KCNMA1: variants seen among roughly 807,000 people sequenced by gnomAD.
KCNMA1 encodes the protein potassium calcium-activated channel subfamily M alpha 1, also known as Calcium-activated potassium channel subunit alpha-1.
KCNMA1 carries 29 observed loss-of-function variants against 140.0 expected under a neutral mutation model. The ratio of observed to expected loss-of-function variants is 0.21; its 90% confidence interval spans 0.15 to 0.28. The LOEUF (loss-of-function observed/expected upper bound fraction) is 0.28, where lower values mean the gene tolerates loss of function less well. Ranked by LOEUF, KCNMA1 falls within the 10% of genes least tolerant of loss-of-function variation. The pLI is 1.00. For synonymous variants in KCNMA1, 612 were observed against 611.9 expected (o/e 1.00, Z 0.00); for missense variants, 880 against 1,602.2 (o/e 0.55, Z 7.70).
intron 2 of KCNMA1, among the ~76,000 whole-genome samples, chr10:77,359,886 G>A (rs1214533572): frequency 6.6e-6 from 1 of 152,220 alleles, no homozygotes; most frequent in Non-Finnish European, 1.5e-5. Context: ...GCACACAGTA[G>A]GTGCCCAGTG....
chr10:77,410,913 G>A (rs994050832), intron 1 of KCNMA1, among the ~76,000 whole-genome samples: 3 of 152,224 alleles, frequency 2.0e-5, no homozygotes, highest in Admixed American at 6.5e-5. Flanking sequence ...TGTCTTCTCC[G>A]GAGTGTGTCT....
At chr10:77,476,987 T>G (rs1176936459) in intron 1 of KCNMA1, among the ~76,000 whole-genome samples, 1 of 151,984 alleles carries the variant, frequency 6.6e-6, no homozygotes, top group African/African-American at 2.4e-5. Context: ...ACTTGACAGG[T>G]GAAAACATTT....
At chr10:76,988,611 C>T (rs2081929643) in intron 19 of KCNMA1, among the ~76,000 whole-genome samples, 2 of 152,110 alleles carry the variant, frequency 1.3e-5, no homozygotes, top group African/African-American at 4.8e-5. Context: ...TTTGAAAGGA[C>T]AGGAATGTCT....
chr10:77,252,733 T>C (rs1335429759), intron 2 of KCNMA1, among the ~76,000 whole-genome samples: 1 of 152,146 alleles, frequency 6.6e-6, no homozygotes, highest in African/African-American at 2.4e-5. Context: ...TGGGGCAGAA[T>C]GGTGGCTTGC....
intron 1 of KCNMA1, among the ~76,000 whole-genome samples, chr10:77,522,178 A>AAAATGAATAAATAAATAAAT (rs2053629516): frequency 7.0e-6 from 1 of 142,798 alleles, no homozygotes; most frequent in Non-Finnish European, 1.5e-5. Flanking sequence ...ACTCCATCTC[A>AAAATGAATAAATAAATAAAT]AAATAAATAA....
At chr10:76,989,090 G>T (rs2082059537) in intron 19 of KCNMA1, among the ~76,000 whole-genome samples, 1 of 152,118 alleles carries the variant, frequency 6.6e-6, no homozygotes, top group Non-Finnish European at 1.5e-5. Context: ...GATAGCTTCA[G>T]TAGCTGACAA....
At chr10:77,314,787 G>T (rs1043190963) in intron 2 of KCNMA1, among the ~76,000 whole-genome samples, 1 of 151,912 alleles carries the variant, frequency 6.6e-6, no homozygotes, top group Non-Finnish European at 1.5e-5. Context: ...CACCTAGCAG[G>T]GTAATTTCAT....
chr10:77,562,089 T>C (rs1298411908), intron 1 of KCNMA1, among the ~76,000 whole-genome samples: 1 of 152,178 alleles, frequency 6.6e-6, no homozygotes, highest in Non-Finnish European at 1.5e-5. Flanking sequence ...GATGCCCAGA[T>C]TGGTACTTAG....
At chr10:76,910,342 C>A in intron 24 of KCNMA1, 1 of 477,546 alleles carries the variant, frequency 2.1e-6, no homozygotes, top group Non-Finnish European at 3.9e-6. Context: ...CCACGGCAGG[C>A]CACTGGAGGA....
intron 23 of KCNMA1, among the ~76,000 whole-genome samples, chr10:76,937,050 A>T (rs999711674): frequency 6.6e-5 from 10 of 152,310 alleles, no homozygotes; most frequent in African/African-American, 2.2e-4. Flanking sequence ...CACAGAACTC[A>T]TCTCTCTACC....
intron 1 of KCNMA1, among the ~76,000 whole-genome samples, chr10:77,608,284 C>T (rs2085301677): frequency 6.6e-6 from 1 of 152,134 alleles, no homozygotes; most frequent in Non-Finnish European, 1.5e-5. Context: ...GCAATCATCC[C>T]ATCTCAGCCT....
At chr10:77,548,438 CAGGA>C (rs750040419) in intron 1 of KCNMA1, among the ~76,000 whole-genome samples, 11 of 152,194 alleles carry the variant, frequency 7.2e-5, no homozygotes, top group Non-Finnish European at 1.3e-4. Flanking sequence ...TGTCCCTTGG[CAGGA>C]TTTCATGTAG....
intron 2 of KCNMA1, among the ~76,000 whole-genome samples, chr10:77,362,625 C>T (rs1401252496): frequency 1.3e-5 from 2 of 152,014 alleles, no homozygotes; most frequent in African/African-American, 4.8e-5. Context: ...CATGGCCCTG[C>T]CTGACGTCCT....
At chr10:76,958,489 GT>G (rs1388538276) in intron 20 of KCNMA1, among the ~76,000 whole-genome samples, 1 of 152,154 alleles carries the variant, frequency 6.6e-6, no homozygotes, top group Non-Finnish European at 1.5e-5. Flanking sequence ...GCTGAACTGT[GT>G]TCTCCCCCAA....
At chr10:77,070,686 C>T (rs981554247) in intron 14 of KCNMA1, among the ~76,000 whole-genome samples, 4 of 152,120 alleles carry the variant, frequency 2.6e-5, no homozygotes, top group African/African-American at 7.2e-5. Flanking sequence ...CTACCCCCCA[C>T]CCCCAACAAA....
At chr10:77,312,077 G>A (rs191631482) in intron 2 of KCNMA1, among the ~76,000 whole-genome samples, 66 of 152,222 alleles carry the variant, frequency 4.3e-4, no homozygotes, top group African/African-American at 1.5e-3. Flanking sequence ...CTGCGCAAGC[G>A]AAGGAACTCC....
intron 1 of KCNMA1, 86 bp from the exon 2 acceptor site, chr10:77,404,109 G>T (rs596832): frequency 9.3e-6 from 13 of 1,394,420 alleles, no homozygotes; most frequent in African/African-American, 5.6e-5. Flanking sequence ...AGAGCCAGAA[G>T]GGGTCCCCAG....
At chr10:77,214,930 A>G (rs1215276210) in intron 3 of KCNMA1, among the ~76,000 whole-genome samples, 1 of 152,172 alleles carries the variant, frequency 6.6e-6, no homozygotes, top group Non-Finnish European at 1.5e-5. Flanking sequence ...AGATGGTACC[A>G]TCAACTCACA....
chr10:77,296,914 G>GGT (rs1555163964), intron 2 of KCNMA1, among the ~76,000 whole-genome samples: 1 of 149,904 alleles, frequency 6.7e-6, no homozygotes, highest in Non-Finnish European at 1.5e-5. Flanking sequence ...TGTGTGGGCG[G>GGT]GGGGGCGGTG....
Sources: gnomAD v4.1 joint callset for allele counts (sites outside exome capture counted in the v4.1 genomes callset) on GRCh38, gnomAD v4.1.1 for gene constraint, MANE v1.5 for transcripts, NCBI Gene and HGNC (gene_info 2026-07-23, HGNC 2026-07-21) for gene names.